OR5AN1: variants seen among roughly 807,000 people sequenced by gnomAD.
OR5AN1 encodes olfactory receptor 5AN1.
For synonymous variants in OR5AN1, 167 were observed against 131.8 expected (o/e 1.27, Z -1.83); for missense variants, 476 against 368.9 (o/e 1.29, Z -2.38).
chr11:59,362,270 G>A (rs1275684650), intron 1 of OR5AN1, among the ~76,000 whole-genome samples: 1 of 151,950 alleles, frequency 6.6e-6, no homozygotes, highest in African/African-American at 2.4e-5. Context: ...GAGTTTTTCT[G>A]CCGTAACCAA....
Position 59,370,927 on chromosome 11 carries a change from G to A in OR5AN1, c.*5533G>A, listed in dbSNP as rs994151753. The stretch of plus-strand genomic sequence containing the variant: ...TTTTGATCAAAGCTTTACATCATTT[G>A]GATTCACAAGAAGGACCATGAGATA... On this transcript the variant is annotated 3_prime_UTR_variant, in exon 2 of 2. Coordinates refer to ENST00000641998, the MANE Select transcript of OR5AN1 (RefSeq NM_001004729.2). 6.6e-6 allele frequency: 1 copy of A among 152,116 alleles called. No individual in the cohort carries two copies. The highest frequency in any genetic ancestry group is 1.5e-5 in the Non-Finnish European group (1 of 68,012). The allele number at this position is 152,116 out of a possible 1,614,324, so 9.4% of individuals were successfully genotyped here.
At chr11:59,359,681 A>G (rs1314583005) in intron 1 of OR5AN1, 2 of 152,218 alleles carry the variant, frequency 1.3e-5, no homozygotes, top group Non-Finnish European at 2.9e-5. Flanking sequence ...CTTCTGAAAT[A>G]CTTCAAATTG....
chr11:59,365,832 T>C lies in OR5AN1; in HGVS notation c.*438T>C, dbSNP rs1423941927. The C allele has an allele frequency of 6.5e-6, 1 of 155,038 alleles. No homozygotes were observed. Among genetic ancestry groups the C allele is most frequent in the African/African-American group, 2.4e-5 (1 of 41,448 alleles). 9.6% of individuals were successfully genotyped at this position (155,038 alleles called of 1,614,324 possible). A position where few individuals can be genotyped will look rare whatever the true frequency, so the allele number is the denominator to read the frequency against. ...ATGCTGATACAGCATAATAAAGACA[T>C]GGTGGTAACCATTGTTTATTCTGTG... On this transcript the variant is annotated 3_prime_UTR_variant, in exon 2 of 2. Transcript: ENST00000641998.
Position 59,365,093 on chromosome 11 carries a change from C to T in OR5AN1, c.635C>T (p.Ala212Val). Reference protein sequence around the residue: ...ILTMFFGIASALVIMISYGYI... With the variant: ...ILTMFFGIASVLVIMISYGYI... Reference sequence around the variant, plus strand: ...ACCATGTTCTTTGGGATAGCAAGTGCCCTAGTTATCATGATATCCTATGGC... The same window carrying T: ...ACCATGTTCTTTGGGATAGCAAGTGTCCTAGTTATCATGATATCCTATGGC... Residue 212 changes from alanine to valine, a missense_variant, in exon 2 of 2, where the codon GCC becomes GTC. Transcript: ENST00000641998. 1 of 1,614,074 alleles carries T rather than the reference C, an allele frequency of 6.2e-7. No homozygotes were observed. The highest frequency in any genetic ancestry group is 8.5e-7 in the Non-Finnish European group (1 of 1,179,992).
rs1857545168 is a variant in OR5AN1 at position 59,367,247 on chromosome 11, G to A, written c.*1853G>A. 1 of 152,234 alleles carries A rather than the reference G, an allele frequency of 6.6e-6. No individual in the cohort carries two copies. Among genetic ancestry groups the A allele is most frequent in the Non-Finnish European group, 1.5e-5 (1 of 68,124 alleles). 9.4% of individuals were successfully genotyped at this position (152,234 alleles called of 1,614,324 possible). ...AAGGAACAGAAGGGGTGAGCATTAG[G>A]TCTTTGCAACCCTCAAGTCAGGAGA... is the stretch of plus-strand genomic sequence containing the variant. On this transcript the variant is annotated 3_prime_UTR_variant, in exon 2 of 2. Coordinates refer to ENST00000641998, the MANE Select transcript of OR5AN1 (RefSeq NM_001004729.2).
chr11:59,364,547 C>G lies in OR5AN1; in HGVS notation c.89C>G (p.Thr30Ser). 1.2e-6 allele frequency: 2 copies of G among 1,613,816 alleles called. No homozygotes were observed. Among genetic ancestry groups the G allele is most frequent in the Non-Finnish European group, 1.7e-6 (2 of 1,179,738 alleles). Residue 30 changes from threonine (T) to serine (S), a missense_variant, in exon 2 of 2, where the codon ACT becomes AGT. Coordinates refer to ENST00000641998, the MANE Select transcript of OR5AN1 (RefSeq NM_001004729.2). ...CCCAGGATCATAAAAGTGCTCTTCACTATATTCCTGGTGATCTACATTACA... is the reference window on the plus strand; with the variant it reads ...CCCAGGATCATAAAAGTGCTCTTCAGTATATTCCTGGTGATCTACATTACA... ...DFPRIIKVLFTIFLVIYITSL... is the reference protein window; with the variant it reads ...DFPRIIKVLFSIFLVIYITSL...
chr11:59,365,333 G>A lies in OR5AN1; in HGVS notation c.875G>A (p.Ser292Asn). 1 of 1,610,470 alleles carries A rather than the reference G, an allele frequency of 6.2e-7. No individual in the cohort carries two copies. Among genetic ancestry groups the A allele is most frequent in the Non-Finnish European group, 8.5e-7 (1 of 1,178,770 alleles). Reference sequence around the variant, plus strand: ...CCCATGTTAAATCCCTTGATTTACAGTTTGAGGAACAAAGAAATTAAAGAT... The same window carrying A: ...CCCATGTTAAATCCCTTGATTTACAATTTGAGGAACAAAGAAATTAAAGAT... ...VIPMLNPLIYSLRNKEIKDAL... is the reference protein window; with the variant it reads ...VIPMLNPLIYNLRNKEIKDAL... The change falls in exon 2 of 2, where the codon AGT (serine) becomes AAT (asparagine). Residue 292 changes from serine to asparagine, a missense_variant. Coordinates refer to ENST00000641998, the MANE Select transcript of OR5AN1 (RefSeq NM_001004729.2).
rs1223971299 is a variant in OR5AN1 at position 59,369,359 on chromosome 11, GA to G, written c.*3970del. The G allele has an allele frequency of 6.6e-6, 1 of 151,994 alleles. No homozygotes were observed. The highest frequency in any genetic ancestry group is 2.4e-5 in the African/African-American group (1 of 41,396). The allele number at this position is 151,994 out of a possible 1,614,324, so 9.4% of individuals were successfully genotyped here. On this transcript the variant is annotated 3_prime_UTR_variant, in exon 2 of 2. Transcript: ENST00000641998. Reference sequence around the variant, plus strand: ...AGGAGGATGGCAAAATCCAATCCAAGAAAAATAAGAATCACAATAAAGTGAC... The same window carrying G: ...AGGAGGATGGCAAAATCCAATCCAAGAAAATAAGAATCACAATAAAGTGAC...
Position 59,368,584 on chromosome 11 carries a change from A to C in OR5AN1, c.*3190A>C, listed in dbSNP as rs1222273784. The stretch of plus-strand genomic sequence containing the variant: ...GGGTCCCACACACCCCCCACCACTC[A>C]TCACCAGACAAAGAACCCCTGGCTT... On this transcript the variant is annotated 3_prime_UTR_variant, in exon 2 of 2. Transcript: ENST00000641998. 2 of 152,556 alleles carry C rather than the reference A, an allele frequency of 1.3e-5. No individual in the cohort carries two copies. The highest frequency in any genetic ancestry group is 4.8e-5 in the African/African-American group (2 of 41,438). 9.5% of individuals were successfully genotyped at this position (152,556 alleles called of 1,614,324 possible). A position where few individuals can be genotyped will look rare whatever the true frequency, so the allele number is the denominator to read the frequency against.
In OR5AN1 at chr11:59,370,496, A is replaced by C. The variant is rs950737688; in HGVS notation, c.*5102A>C. 6.6e-6 allele frequency: 1 copy of C among 152,244 alleles called. No individual in the cohort carries two copies. The highest frequency in any genetic ancestry group is 6.5e-5 in the Admixed American group (1 of 15,284). 9.4% of individuals were successfully genotyped at this position (152,244 alleles called of 1,614,324 possible). A position where few individuals can be genotyped will look rare whatever the true frequency, so the allele number is the denominator to read the frequency against. Reference sequence around the variant, plus strand: ...AATTGTAAAAATTTCTATTCTAACCAATTAATGTATGAATTATGTGAAATA... The same window carrying C: ...AATTGTAAAAATTTCTATTCTAACCCATTAATGTATGAATTATGTGAAATA... On this transcript the variant is annotated 3_prime_UTR_variant, in exon 2 of 2. Coordinates refer to ENST00000641998, the MANE Select transcript of OR5AN1 (RefSeq NM_001004729.2).
chr11:59,365,001 C>T lies in OR5AN1; in HGVS notation c.543C>T (p.Asp181=). 1.9e-6 allele frequency: 3 copies of T among 1,614,154 alleles called. No individual in the cohort carries two copies. The highest frequency in any genetic ancestry group is 1.1e-5 in the South Asian group (1 of 91,082). ...ATGTCATCAGACATTTCTTCTGTGA[C>T]ATGCCCCAACTGTTAATCTTGTCCT... ...GSNVIRHFFC[D]MPQLLILSCT... is the part of the protein sequence containing the mutation. The change falls in exon 2 of 2, where the codon GAC becomes GAT. Residue 181 remains aspartate (D), a synonymous_variant. Coordinates refer to ENST00000641998, the MANE Select transcript of OR5AN1 (RefSeq NM_001004729.2).
chr11:59,369,802 G>A lies in OR5AN1; in HGVS notation c.*4408G>A, dbSNP rs921300385. On this transcript the variant is annotated 3_prime_UTR_variant, in exon 2 of 2. Transcript: ENST00000641998. ...TTCTACACAAGAAGATAATCACCAA[G>A]ACACATAATCATTATGTTTTCCAAG... is the stretch of plus-strand genomic sequence containing the variant. 9 of 152,090 alleles carry A rather than the reference G, an allele frequency of 5.9e-5. No homozygotes were observed. The highest frequency in any genetic ancestry group is 1.9e-4 in the African/African-American group (8 of 41,410). 9.4% of individuals were successfully genotyped at this position (152,090 alleles called of 1,614,324 possible).
chr11:59,367,246 G>T lies in OR5AN1; in HGVS notation c.*1852G>T, dbSNP rs1857545152. ...AAAGGAACAGAAGGGGTGAGCATTA[G>T]GTCTTTGCAACCCTCAAGTCAGGAG... On this transcript the variant is annotated 3_prime_UTR_variant, in exon 2 of 2. Coordinates refer to ENST00000641998, the MANE Select transcript of OR5AN1 (RefSeq NM_001004729.2). 1 of 152,234 alleles carries T rather than the reference G, an allele frequency of 6.6e-6. No homozygotes were observed. The highest frequency in any genetic ancestry group is 1.5e-5 in the Non-Finnish European group (1 of 68,134). 9.4% of individuals were successfully genotyped at this position (152,234 alleles called of 1,614,324 possible).
Position 59,365,339 on chromosome 11 carries a change from G to A in OR5AN1, c.881G>A (p.Arg294Lys), listed in dbSNP as rs752926773. The change falls in exon 2 of 2, where the codon AGG (arginine) becomes AAG (lysine). Residue 294 changes from arginine (R) to lysine (K), a missense_variant. By Grantham distance (26) the Arg-to-Lys change is conservative. Coordinates refer to ENST00000641998, the MANE Select transcript of OR5AN1 (RefSeq NM_001004729.2). ...TTAAATCCCTTGATTTACAGTTTGA[G>A]GAACAAAGAAATTAAAGATGCCTTA... The part of the protein sequence containing the change: ...PMLNPLIYSL[R>K]NKEIKDALKR... The A allele has an allele frequency of 1.9e-6, 3 of 1,609,564 alleles. No homozygotes were observed. The highest frequency in any genetic ancestry group is 8.5e-7 in the Non-Finnish European group (1 of 1,178,644).
Position 59,369,063 on chromosome 11 carries a change from C to T in OR5AN1, c.*3669C>T, listed in dbSNP as rs1398244186. 1 of 152,064 alleles carries T rather than the reference C, an allele frequency of 6.6e-6. No homozygotes were observed. The highest frequency in any genetic ancestry group is 1.5e-5 in the Non-Finnish European group (1 of 68,028). 9.4% of individuals were successfully genotyped at this position (152,064 alleles called of 1,614,324 possible). On this transcript the variant is annotated 3_prime_UTR_variant, in exon 2 of 2. Coordinates refer to ENST00000641998, the MANE Select transcript of OR5AN1 (RefSeq NM_001004729.2). ...TAAGAAGTGAGCATCAAACACAGAC[C>T]CTACACAAAGCCTTGGCCCAGTGAA... is the stretch of plus-strand genomic sequence containing the variant.
chr11:59,365,799 T>A lies in OR5AN1; in HGVS notation c.*405T>A, dbSNP rs1405010266. 6.0e-6 allele frequency: 1 copy of A among 166,594 alleles called. No individual in the cohort carries two copies. Among genetic ancestry groups the A allele is most frequent in the Non-Finnish European group, 1.3e-5 (1 of 77,844 alleles). 10.3% of individuals were successfully genotyped at this position (166,594 alleles called of 1,614,324 possible). On this transcript the variant is annotated 3_prime_UTR_variant, in exon 2 of 2. Coordinates refer to ENST00000641998, the MANE Select transcript of OR5AN1 (RefSeq NM_001004729.2). ...CCCCCAGGAGTTCAGAAACATCATC[T>A]CCCATATATGCTGATACAGCATAAT...
At chr11:59,361,391 C>T (rs549041637) in intron 1 of OR5AN1, among the ~76,000 whole-genome samples, 54 of 152,266 alleles carry the variant, frequency 3.5e-4, no homozygotes, top group Non-Finnish European at 6.6e-4. Context: ...AAGCAATTCC[C>T]CTTCTCAGCC....
intron 1 of OR5AN1, 74 bp from the exon 2 acceptor site, chr11:59,364,372 C>T (rs1263915093): frequency 1.2e-6 from 1 of 859,238 alleles, no homozygotes; most frequent in Non-Finnish European, 1.8e-6. Flanking sequence ...AAAAGATGTA[C>T]ACATATGAAG....
At chr11:59,359,626 A>C (rs1395902492) in intron 1 of OR5AN1, 1 of 152,170 alleles carries the variant, frequency 6.6e-6, no homozygotes, top group African/African-American at 2.4e-5. Flanking sequence ...AGACACACTG[A>C]GTCTTAATGA....
Sources: gnomAD v4.1 joint callset for allele counts (sites outside exome capture counted in the v4.1 genomes callset) on GRCh38, gnomAD v4.1.1 for gene constraint, MANE v1.5 for transcripts, NCBI Gene and HGNC (gene_info 2026-07-23, HGNC 2026-07-21) for gene names.